Variants in SRP68 observed in about 807,000 individuals in gnomAD.
SRP68 encodes signal recognition particle 68.
A neutral mutation model predicts 82.2 loss-of-function variants in SRP68; 15 were observed. That is an observed-to-expected ratio of 0.18 (90% CI 0.12 to 0.28). The LOEUF (loss-of-function observed/expected upper bound fraction) is 0.28. SRP68 is among the 10% of genes least tolerant of loss of function. The pLI, the probability that SRP68 is intolerant of heterozygous loss-of-function variation, is 1.00. For synonymous variants in SRP68, 261 were observed against 292.6 expected, an observed-to-expected ratio of 0.89 and a Z score of 1.10; for missense variants, 595 against 780.5, an observed-to-expected ratio of 0.76 and a Z score of 2.83.
At position 76,039,543 on chromosome 17, in the gene SRP68, A is replaced by G. The variant is rs1024093176; in HGVS notation, c.*163T>C. The G allele has an allele frequency of 3.1e-5, 22 of 713,824 alleles. No homozygotes were observed. The African/African-American group carries it at 3.5e-4, about 11-fold the overall frequency. 44.2% of individuals were successfully genotyped at this position (713,824 alleles called of 1,614,324 possible). A position where few individuals can be genotyped will look rare whatever the true frequency, so the allele number is the denominator to read the frequency against. On this transcript the variant is annotated 3_prime_UTR_variant, in exon 16 of 16. Transcript: ENST00000307877. ...AGGGTGCTCTCCTGACACGCTGCTT[A>G]AGAACGTGTACAGACACAAGATGTA... is the stretch of plus-strand genomic sequence containing the variant.
At chr17:76,053,152 C>A (rs1057193132) in intron 8 of SRP68, among the ~76,000 whole-genome samples, 1 of 150,890 alleles carries the variant, frequency 6.6e-6, no homozygotes, top group Non-Finnish European at 1.5e-5. Flanking sequence ...GTGGTCCCAG[C>A]TATTCCAGGA....
In SRP68 at chr17:76,039,590, TAA is replaced by T; in HGVS notation, c.*114_*115del. On this transcript the variant is annotated 3_prime_UTR_variant, in exon 16 of 16. Transcript: ENST00000307877. ...TGTAGGAATGCAGGGCCGAAGATGT[TAA>T]ACTCTTGCCCCGGGCCAATGCAGAC... 4.9e-6 allele frequency: 5 copies of T among 1,018,000 alleles called. No homozygotes were observed. Among genetic ancestry groups the T allele is most frequent in the Non-Finnish European group, 5.8e-6 (4 of 690,686 alleles). The allele number at this position is 1,018,000 out of a possible 1,614,324, so 63.1% of individuals were successfully genotyped here.
intron 15 of SRP68, 43 bp downstream of exon 15, chr17:76,040,376 T>G: frequency 6.3e-7 from 1 of 1,578,916 alleles, no homozygotes; most frequent in South Asian, 1.1e-5. Flanking sequence ...AGTTTGTTAC[T>G]AATCCTGCTT....
intron 8 of SRP68, chr17:76,053,455 C>T: frequency 2.0e-6 from 2 of 985,392 alleles, no homozygotes; most frequent in Non-Finnish European, 2.4e-6. Flanking sequence ...TTACCAGCTA[C>T]ACAGGATTTG....
intron 2 of SRP68, among the ~76,000 whole-genome samples, 156 bp downstream of exon 2, chr17:76,070,222 C>CAAAAAAA (rs386386662): frequency 1.9e-4 from 18 of 95,382 alleles, no homozygotes; most frequent in African/African-American, 5.7e-4. Flanking sequence ...GACTCCATCT[C>CAAAAAAA]AAAAAAAAAA....
chr17:76,067,079 T>C, intron 3 of SRP68, 138 bp downstream of exon 3: 1 of 663,520 alleles, frequency 1.5e-6, no homozygotes, highest in Non-Finnish European at 2.6e-6. Flanking sequence ...TCAGTTTCCT[T>C]GCCTTAGAAC....
chr17:76,046,718 G>C (rs2066635161), intron 10 of SRP68, among the ~76,000 whole-genome samples: 1 of 152,152 alleles, frequency 6.6e-6, no homozygotes, highest in African/African-American at 2.4e-5. Flanking sequence ...GAGGCGGGCG[G>C]ATCATGAGGT....
chr17:76,044,051 G>A lies in SRP68; in HGVS notation c.1395-93C>T. 3 of 1,448,452 alleles carry A rather than the reference G, an allele frequency of 2.1e-6. No individual in the cohort carries two copies. In the South Asian group the frequency reaches 3.9e-5, roughly 19 times the overall value. 89.7% of individuals were successfully genotyped at this position (1,448,452 alleles called of 1,614,324 possible). On this transcript the variant is annotated intron_variant, in intron 12 of 15. Transcript: ENST00000307877. ...CAGTTTAGGCGAAATTTCACATTTG[G>A]AAACAGGTTTCTTAACGTGGGATCA...
chr17:76,056,148 TC>T, intron 8 of SRP68, among the ~76,000 whole-genome samples: 1 of 152,232 alleles, frequency 6.6e-6, no homozygotes, highest in Middle Eastern at 3.4e-3. Context: ...TGCTAGCTTT[TC>T]CTGTTCTTCA....
At chr17:76,062,947 T>C (rs1388560248) in intron 4 of SRP68, among the ~76,000 whole-genome samples, 1 of 148,886 alleles carries the variant, frequency 6.7e-6, no homozygotes, top group Non-Finnish European at 1.5e-5. Context: ...ATTTTTTGTA[T>C]TTTTAGTAGA....
Position 76,072,503 on chromosome 17 carries a change from G to A in SRP68, c.-12C>T, listed in dbSNP as rs1294917814. Reference sequence around the variant, plus strand: ...TTCTCAGCAGCCATCTTGCCCCTGCGCCGCAGAGCAAGACGGGATAGGGGA... The same window carrying A: ...TTCTCAGCAGCCATCTTGCCCCTGCACCGCAGAGCAAGACGGGATAGGGGA... On this transcript the variant is annotated 5_prime_UTR_variant, in exon 1 of 16. Transcript: ENST00000307877. The surrounding 1 kb of genome is among the most constrained non-coding windows in gnomAD (Gnocchi z 4.5). 6.3e-7 allele frequency: 1 copy of A among 1,580,694 alleles called. No individual in the cohort carries two copies. The highest frequency in any genetic ancestry group is 8.5e-7 in the Non-Finnish European group (1 of 1,172,610).
intron 7 of SRP68, among the ~76,000 whole-genome samples, chr17:76,059,789 CA>C (rs35942880): frequency 8.1e-4 from 71 of 87,912 alleles, no homozygotes; most frequent in South Asian, 2.6e-3. Context: ...AAGACTGTCT[CA>C]AAAAAAAAAA....
chr17:76,039,795 C>T lies in SRP68; in HGVS notation c.1795G>A (p.Ala599Thr), dbSNP rs2066575387. The change falls in exon 16 of 16, where the codon GCT becomes ACT. Residue 599 changes from alanine (A) to threonine (T), a missense_variant. Coordinates refer to ENST00000307877, the MANE Select transcript of SRP68 (RefSeq NM_014230.4). The part of the protein sequence containing the change: ...LFFDLALNHV[A>T]FPPLEDKLEQ... ...AACTTGTCCTCAAGGGGTGGGAAAG[C>T]CACATGGTTGAGGGCCAGGTCAAAG... is the stretch of plus-strand genomic sequence containing the variant. The T allele has an allele frequency of 3.1e-6, 5 of 1,614,074 alleles. No individual in the cohort carries two copies. The South Asian group carries it at 3.3e-5, about 11-fold the overall frequency.
chr17:76,071,220 G>A lies in SRP68; in HGVS notation c.185-776C>T, dbSNP rs563425072. On this transcript the variant is annotated intron_variant, in intron 1 of 15. Transcript: ENST00000307877. This position sits in a 1 kb window ranked among gnomAD's most constrained non-coding sequence, Gnocchi z 4.7. ...CCAAATCTAACTTTCCTTAACAGCT[G>A]TGATGCTTAGAGAGTCTATGATTAG... 9.2e-5 allele frequency among the ~76,000 whole-genome samples: 14 copies of A among 152,262 alleles called. No individual in the cohort carries two copies. Among genetic ancestry groups the A allele is most frequent in the Non-Finnish European group, 1.9e-4 (13 of 68,026 alleles).
In SRP68 at chr17:76,072,391, C is replaced by G; in HGVS notation, c.101G>C (p.Gly34Ala). 6.2e-7 allele frequency: 1 copy of G among 1,609,048 alleles called. No homozygotes were observed. The highest frequency in any genetic ancestry group is 1.1e-5 in the South Asian group (1 of 90,992). Reference protein sequence around the residue: ...GGGSGGGRGAGGEENKENERP... With the variant: ...GGGSGGGRGAAGEENKENERP... ...TTCGTTTTCTTTATTTTCTTCCCCT[C>G]CGGCACCACGTCCACCGCCGCTACC... The change falls in exon 1 of 16, where the codon GGA becomes GCA. Residue 34 changes from glycine (G) to alanine (A), a missense_variant. Physicochemically the swap from Gly to Ala is moderately conservative, Grantham distance 60 (BLOSUM62 0). Transcript: ENST00000307877. The surrounding 1 kb of genome is among the most constrained non-coding windows in gnomAD (Gnocchi z 4.5).
intron 7 of SRP68, among the ~76,000 whole-genome samples, chr17:76,059,079 C>G (rs550835124): frequency 1.3e-5 from 2 of 152,086 alleles, no homozygotes; most frequent in South Asian, 4.2e-4. Flanking sequence ...GACTCTGTCT[C>G]TACCAAAAAA....
intron 9 of SRP68, chr17:76,048,320 C>G (rs2066646589): frequency 6.3e-6 from 1 of 158,212 alleles, no homozygotes. Flanking sequence ...AGTTCCACCC[C>G]TTGTGCTGTC....
Position 76,057,559 on chromosome 17 carries a change from AAAAAGTTAAAGCTTTAACTGGGGAT to A in SRP68, c.838-41_838-17del. ...TGATCAAAGCCTGAAAAATAGTTTA[AAAAAGTTAAAGCTTTAACTGGGGAT>A]ATGAGTGATGGAGGTGAAAATAAGT... On this transcript the variant is annotated splice_polypyrimidine_tract_variant and intron_variant, in intron 7 of 15. Coordinates refer to ENST00000307877, the MANE Select transcript of SRP68 (RefSeq NM_014230.4). 6.2e-7 allele frequency: 1 copy of A among 1,613,984 alleles called. No homozygotes were observed. Among genetic ancestry groups the A allele is most frequent in the Non-Finnish European group, 8.5e-7 (1 of 1,179,882 alleles).
At chr17:76,055,552 G>A (rs569642589) in intron 8 of SRP68, among the ~76,000 whole-genome samples, 27 of 151,688 alleles carry the variant, frequency 1.8e-4, no homozygotes, top group African/African-American at 5.8e-4. Flanking sequence ...GCAGGAGTTT[G>A]AGACCATCCT....
Sources: allele counts gnomAD v4.1 joint callset (sites outside exome capture counted in the v4.1 genomes callset), GRCh38; gene constraint gnomAD v4.1.1; non-coding constraint Gnocchi (gnomAD v3.1); transcripts MANE v1.5; gene names NCBI Gene and HGNC (gene_info 2026-07-23, HGNC 2026-07-21).